The following PIK3AP1 variants were observed in gnomAD, a reference collection of about 807,000 sequenced individuals.
The protein encoded by PIK3AP1 is phosphoinositide 3-kinase adapter protein 1.
In PIK3AP1, 21 loss-of-function variants were observed where a neutral mutation model predicts 88.1. The ratio of observed to expected loss-of-function variants is 0.24; its 90% CI spans 0.17 to 0.34. The LOEUF (loss-of-function observed/expected upper bound fraction) is 0.34. Among genes scored for constraint, PIK3AP1 ranks in the 10% least tolerant of loss-of-function variants. PIK3AP1 has a pLI of 1.00. For synonymous variants in PIK3AP1, 398 were observed against 400.0 expected (o/e 1.00, Z 0.06); for missense variants, 828 against 1,035.7 (o/e 0.80, Z 2.75).
chr10:96,639,996 C>G (rs1035427675), intron 8 of PIK3AP1, among the ~76,000 whole-genome samples: 3 of 152,126 alleles, frequency 2.0e-5, no homozygotes, highest in African/African-American at 7.2e-5. Context: ...TCAGAGAGCT[C>G]AGGTAAAGAA....
chr10:96,660,155 A>T (rs1019210639), intron 2 of PIK3AP1, among the ~76,000 whole-genome samples: 34 of 152,138 alleles, frequency 2.2e-4, no homozygotes, highest in African/African-American at 8.2e-4. Context: ...TGCGAAAGAC[A>T]TTGTCAAAAG....
In PIK3AP1 at chr10:96,687,270, A is replaced by AAG. The variant is rs1336086419; in HGVS notation, c.430+22296_430+22297insCT. Among the ~76,000 whole-genome samples the AAG allele has an allele frequency of 1.4e-3, 210 of 149,434 alleles. 3 individuals carry two copies. The highest frequency in any genetic ancestry group is 5.0e-3 in the African/African-American group (201 of 40,084). ...TACTCCATCTCAAAAAAAAAAAAAAAAAAAAAAAAAAAAAAGAAAAAAGAT... is the reference window on the plus strand; with the variant it reads ...TACTCCATCTCAAAAAAAAAAAAAAAAGAAAAAAAAAAAAAAAGAAAAAAGAT... On this transcript the variant is annotated intron_variant, in intron 2 of 16. Transcript: ENST00000339364.
At chr10:96,610,537 G>A (rs1428226856) in intron 13 of PIK3AP1, among the ~76,000 whole-genome samples, 1 of 152,042 alleles carries the variant, frequency 6.6e-6, no homozygotes, top group Admixed American at 6.5e-5. Flanking sequence ...AACGGATGGT[G>A]GGTGGGTGGG....
In PIK3AP1 at chr10:96,597,122, G is replaced by GA. The variant is rs561363360; in HGVS notation, c.2361-1489dup. 4.5e-3 allele frequency among the ~76,000 whole-genome samples: 670 copies of GA among 147,690 alleles called. 2 individuals are homozygous for GA. The highest frequency in any genetic ancestry group is 6.6e-3 in the Non-Finnish European group (438 of 66,566). ...ACTGAGTGACTGAGCTTTATACCAT[G>GA]AAAAAAAAAAGGATGGCCTCCTTCT... On this transcript the variant is annotated intron_variant, in intron 16 of 16. Transcript: ENST00000339364.
intron 2 of PIK3AP1, among the ~76,000 whole-genome samples, chr10:96,708,171 C>A (rs954633993): frequency 3.3e-5 from 5 of 152,152 alleles, no homozygotes; most frequent in Non-Finnish European, 5.9e-5. Context: ...AAATCAGGAC[C>A]ATAATTTTCC....
intron 8 of PIK3AP1, 50 bp downstream of exon 8, chr10:96,645,423 A>G (rs2134228166): frequency 6.3e-7 from 1 of 1,586,804 alleles, no homozygotes; most frequent in Non-Finnish European, 8.6e-7. Context: ...GAATGAAAAA[A>G]GCTGTTTCTC....
chr10:96,603,714 C>T lies in PIK3AP1; in HGVS notation c.2241+265G>A, dbSNP rs997429106. On this transcript the variant is annotated intron_variant, in intron 15 of 16. Transcript: ENST00000339364. Reference sequence around the variant, plus strand: ...CACACACACACACACACACACACCACATATATATATATGTTCTGTCCCTCT... The same window carrying T: ...CACACACACACACACACACACACCATATATATATATATGTTCTGTCCCTCT... 1,563 of 294,262 alleles carry T rather than the reference C, an allele frequency of 5.3e-3. 25 individuals carry two copies. Among genetic ancestry groups the T allele is most frequent in the African/African-American group, 0.028 (1,233 of 43,894 alleles). The allele number at this position is 294,262 out of a possible 1,614,324, so 18.2% of individuals were successfully genotyped here. A position where few individuals can be genotyped will look rare whatever the true frequency, so the allele number is the denominator to read the frequency against.
At chr10:96,653,590 C>T (rs899414061) in intron 3 of PIK3AP1, among the ~76,000 whole-genome samples, 7 of 142,968 alleles carry the variant, frequency 4.9e-5, no homozygotes, top group Non-Finnish European at 1.0e-4. Context: ...CAGGTTCAAG[C>T]GATTCTCATG....
At chr10:96,626,659 T>C (rs2134207173) in intron 10 of PIK3AP1, 49 bp downstream of exon 10, 1 of 1,581,100 alleles carries the variant, frequency 6.3e-7, no homozygotes, top group South Asian at 1.1e-5. Flanking sequence ...GAAATCCCTG[T>C]TGAGAAGCTC....
intron 8 of PIK3AP1, among the ~76,000 whole-genome samples, chr10:96,628,881 T>TACATATACATAC (rs150595125): frequency 1.1e-5 from 1 of 88,752 alleles, no homozygotes; most frequent in Non-Finnish European, 2.2e-5. Flanking sequence ...TACACATATA[T>TACATATACATAC]ATATATACAT....
chr10:96,659,700 C>CAA (rs1198781319), intron 2 of PIK3AP1, among the ~76,000 whole-genome samples: 26 of 100,942 alleles, frequency 2.6e-4, no homozygotes, highest in Admixed American at 1.2e-3. Flanking sequence ...CTGTCTCTAC[C>CAA]AAAAAAAAAA....
At chr10:96,629,513 C>T (rs7895746) in intron 8 of PIK3AP1, among the ~76,000 whole-genome samples, 149,540 of 151,942 alleles carry the variant, frequency 0.98, 73,632 homozygotes, top group Middle Eastern at 1. Flanking sequence ...ATACAATATA[C>T]TAGATAATTA....
chr10:96,656,068 T>C (rs1481836528), intron 3 of PIK3AP1, among the ~76,000 whole-genome samples: 2 of 152,234 alleles, frequency 1.3e-5, no homozygotes, highest in African/African-American at 4.8e-5. Flanking sequence ...GCTCCCACGC[T>C]GTCTCGCCTC....
chr10:96,624,397 A>G (rs1485054861), intron 10 of PIK3AP1, among the ~76,000 whole-genome samples: 1 of 152,230 alleles, frequency 6.6e-6, no homozygotes, highest in Admixed American at 6.5e-5. Context: ...TTTGTAAAGT[A>G]CTTCCTTCTG....
Position 96,595,212 on chromosome 10 carries a change from TA to T in PIK3AP1, c.*364del, listed in dbSNP as rs1490557725. On this transcript the variant is annotated 3_prime_UTR_variant, in exon 17 of 17. Coordinates refer to ENST00000339364, the MANE Select transcript of PIK3AP1 (RefSeq NM_152309.3). ...AAATCAGGCTGAACTAGCAAATACA[TA>T]AAGACTAATATAAGTGCATTTCAGT... 1 of 236,404 alleles carries T rather than the reference TA, an allele frequency of 4.2e-6. No homozygotes were observed. The highest frequency in any genetic ancestry group is 8.3e-6 in the Non-Finnish European group (1 of 120,602). 14.6% of individuals were successfully genotyped at this position (236,404 alleles called of 1,614,324 possible).
chr10:96,714,278 G>A (rs1844474692), intron 1 of PIK3AP1, among the ~76,000 whole-genome samples: 1 of 152,070 alleles, frequency 6.6e-6, no homozygotes, highest in Admixed American at 6.6e-5. Context: ...AGCATCTCAT[G>A]TACATTCTCT....
At chr10:96,655,276 A>G (rs1454824924) in intron 3 of PIK3AP1, among the ~76,000 whole-genome samples, 1 of 152,148 alleles carries the variant, frequency 6.6e-6, no homozygotes, top group East Asian at 1.9e-4. Context: ...GGCTGAGGTG[A>G]ATGGATCACT....
chr10:96,684,614 A>C (rs893975972), intron 2 of PIK3AP1, among the ~76,000 whole-genome samples: 4 of 152,234 alleles, frequency 2.6e-5, no homozygotes, highest in African/African-American at 9.6e-5. Flanking sequence ...ATCAGAAAGA[A>C]CATCCCAGTG....
At chr10:96,688,749 G>T (rs906196630) in intron 2 of PIK3AP1, among the ~76,000 whole-genome samples, 2 of 151,628 alleles carry the variant, frequency 1.3e-5, no homozygotes, top group Non-Finnish European at 2.9e-5. Flanking sequence ...AGTGAGCTGA[G>T]ATCATGCCAC....
Sources: gnomAD v4.1 joint callset for allele counts (sites outside exome capture counted in the v4.1 genomes callset) on GRCh38, gnomAD v4.1.1 for gene constraint, MANE v1.5 for transcripts, NCBI Gene and HGNC (gene_info 2026-07-23, HGNC 2026-07-21) for gene names.